The following MYRIP variants were observed in gnomAD, a reference collection of about 807,000 sequenced individuals.
MYRIP encodes myosin VIIA and Rab interacting protein.
In MYRIP, 49 loss-of-function variants were observed where a neutral mutation model predicts 98.0. That is an observed-to-expected ratio of 0.50 (90% CI 0.40 to 0.63). The LOEUF is 0.63. Among genes scored for constraint, MYRIP ranks in the 30% least tolerant of loss-of-function variants. MYRIP has a pLI of 0.00. For synonymous variants in MYRIP, 404 were observed against 409.5 expected (o/e 0.99, Z 0.16); for missense variants, 1,004 against 1,058.2 (o/e 0.95, Z 0.71).
chr3:39,820,699 G>A (rs1941077152), intron 1 of MYRIP, among the ~76,000 whole-genome samples: 1 of 152,194 alleles, frequency 6.6e-6, no homozygotes, highest in South Asian at 2.1e-4. Flanking sequence ...AATCAGAAAT[G>A]TTGTTTTCAT....
chr3:39,846,378 G>A (rs536023326), intron 1 of MYRIP, among the ~76,000 whole-genome samples: 98 of 152,166 alleles, frequency 6.4e-4, no homozygotes, highest in African/African-American at 2.2e-3. Flanking sequence ...ACACTCCTTC[G>A]TCTGACCCTG....
intron 1 of MYRIP, among the ~76,000 whole-genome samples, chr3:39,817,062 C>T (rs1940942697): frequency 6.6e-6 from 1 of 152,134 alleles, no homozygotes; most frequent in Non-Finnish European, 1.5e-5. Flanking sequence ...CCAGTTGCTC[C>T]TCAGTTATAT....
At chr3:40,253,243 C>T (rs906027842) in intron 16 of MYRIP, among the ~76,000 whole-genome samples, 4 of 152,152 alleles carry the variant, frequency 2.6e-5, no homozygotes, top group African/African-American at 4.8e-5. Flanking sequence ...AAAACATCAC[C>T]TCTAGCATTA....
chr3:40,001,896 G>C (rs1946527539), intron 2 of MYRIP, among the ~76,000 whole-genome samples: 1 of 152,180 alleles, frequency 6.6e-6, no homozygotes, highest in African/African-American at 2.4e-5. Flanking sequence ...CTGGTGACTG[G>C]TTAGACATCG....
intron 1 of MYRIP, among the ~76,000 whole-genome samples, chr3:39,810,913 G>A (rs1305071676): frequency 3.3e-5 from 5 of 152,186 alleles, no homozygotes; most frequent in Non-Finnish European, 7.3e-5. Context: ...AAAATGCCTT[G>A]AGTCTGGCTT....
upstream of MYRIP, chr3:39,809,547 C>G (rs903340403): frequency 1.0e-4 from 15 of 150,534 alleles, no homozygotes; most frequent in African/African-American, 2.9e-4. Context: ...CAGGCTCCCC[C>G]GCTCCGGGCG....
At chr3:39,873,186 T>C (rs1942859697) in intron 1 of MYRIP, among the ~76,000 whole-genome samples, 1 of 152,178 alleles carries the variant, frequency 6.6e-6, no homozygotes, top group African/African-American at 2.4e-5. Context: ...GATGGGGTTG[T>C]TTGTTTTTTT....
At chr3:40,041,198 T>C (rs1947522507) in intron 2 of MYRIP, among the ~76,000 whole-genome samples, 1 of 134,180 alleles carries the variant, frequency 7.5e-6, no homozygotes, top group Admixed American at 7.8e-5. Flanking sequence ...GGAAATCATG[T>C]TGGTCAATCA....
chr3:39,939,377 A>G lies in MYRIP; in HGVS notation c.110+38451A>G, dbSNP rs562498553. Among the ~76,000 whole-genome samples the G allele has an allele frequency of 1.9e-4, 29 of 152,298 alleles. 2 individuals are homozygous for G. The South Asian group carries it at 2.9e-3, about 15-fold the overall frequency. On this transcript the variant is annotated intron_variant, in intron 2 of 16. Coordinates refer to ENST00000302541, the MANE Select transcript of MYRIP (RefSeq NM_015460.4). ...TCTTTCTGTAGCTCTTGAAAAGGAT[A>G]CACATGAAGACTATGTAGCTACATG... is the stretch of plus-strand genomic sequence containing the variant.
intron 3 of MYRIP, among the ~76,000 whole-genome samples, chr3:40,149,451 A>T (rs1251794208): frequency 6.6e-6 from 1 of 152,226 alleles, no homozygotes; most frequent in East Asian, 1.9e-4. Context: ...TGGGACAAAT[A>T]TCCAAACTAT....
intron 2 of MYRIP, among the ~76,000 whole-genome samples, chr3:39,990,325 T>C (rs1282653560): frequency 9.9e-5 from 15 of 152,186 alleles, no homozygotes; most frequent in Admixed American, 7.9e-4. Flanking sequence ...TCATTTCCGA[T>C]GTTGGAATCT....
intron 5 of MYRIP, among the ~76,000 whole-genome samples, chr3:40,163,289 G>C (rs1163684264): frequency 6.6e-6 from 1 of 152,082 alleles, no homozygotes; most frequent in Non-Finnish European, 1.5e-5. Context: ...TTGATAATCA[G>C]TGCCCCCTCA....
chr3:40,138,638 A>G (rs944644810), intron 3 of MYRIP, among the ~76,000 whole-genome samples: 5 of 152,224 alleles, frequency 3.3e-5, no homozygotes, highest in Non-Finnish European at 5.9e-5. Flanking sequence ...TAGAAGTTAT[A>G]AAGTTCCATG....
chr3:40,043,273 T>G (rs545498779), intron 2 of MYRIP, among the ~76,000 whole-genome samples: 1 of 152,340 alleles, frequency 6.6e-6, no homozygotes, highest in African/African-American at 2.4e-5. Flanking sequence ...ATAATTTTTC[T>G]ACTGTTCTTT....
chr3:40,109,560 G>T (rs1387373438), intron 3 of MYRIP, among the ~76,000 whole-genome samples: 2 of 152,212 alleles, frequency 1.3e-5, no homozygotes, highest in African/African-American at 4.8e-5. Context: ...TGAGGCAGGA[G>T]GACTGCTTGG....
chr3:40,001,587 C>G (rs1399934149), intron 2 of MYRIP, among the ~76,000 whole-genome samples: 1 of 152,210 alleles, frequency 6.6e-6, no homozygotes, highest in Non-Finnish European at 1.5e-5. Context: ...TTCCATCAGT[C>G]AGTCAGTCAA....
chr3:40,213,851 T>C (rs1952036119), intron 11 of MYRIP, among the ~76,000 whole-genome samples: 2 of 152,308 alleles, frequency 1.3e-5, no homozygotes, highest in South Asian at 2.1e-4. Flanking sequence ...AGGCACTAAC[T>C]AGTGACTGAT....
chr3:40,131,907 A>G (rs1210183004), intron 3 of MYRIP, among the ~76,000 whole-genome samples: 1 of 152,008 alleles, frequency 6.6e-6, no homozygotes, highest in Non-Finnish European at 1.5e-5. Context: ...GCTTCTCTTC[A>G]TCTTCTTCTA....
chr3:39,875,319 G>T (rs1257118421), intron 1 of MYRIP, among the ~76,000 whole-genome samples: 5 of 151,934 alleles, frequency 3.3e-5, no homozygotes, highest in Admixed American at 6.6e-5. Flanking sequence ...TTTTTGAAGG[G>T]TTTTTTGTGT....
Sources: gnomAD v4.1 joint callset for allele counts (sites outside exome capture counted in the v4.1 genomes callset) on GRCh38, gnomAD v4.1.1 for gene constraint, MANE v1.5 for transcripts, NCBI Gene and HGNC (gene_info 2026-07-23, HGNC 2026-07-21) for gene names.